Variants in IPCEF1 observed in about 807,000 individuals in gnomAD.
The protein encoded by IPCEF1 is interaction protein for cytohesin exchange factors 1.
A neutral mutation model predicts 50.9 loss-of-function variants in IPCEF1; 31 were observed. That is an observed-to-expected ratio of 0.61 (90% CI 0.46 to 0.82). The LOEUF is 0.82. Among genes scored for constraint, IPCEF1 ranks in the 40% least tolerant of loss-of-function variants. The probability of loss-of-function intolerance (pLI) is 0.00; values close to 1 mark genes in which losing one functional copy is unlikely to be tolerated. For synonymous variants in IPCEF1, 181 were observed against 192.0 expected, an observed-to-expected ratio of 0.94 and a Z score of 0.47; for missense variants, 458 against 514.0, an observed-to-expected ratio of 0.89 and a Z score of 1.05.
At chr6:154,230,990 C>G (rs1779669627) in intron 5 of IPCEF1, among the ~76,000 whole-genome samples, 1 of 152,162 alleles carries the variant, frequency 6.6e-6, no homozygotes, top group Admixed American at 6.5e-5. Context: ...CAATGACTAT[C>G]TGAATCAGCC....
rs147683394 is a variant in IPCEF1 at position 154,196,254 on chromosome 6, T to C, written c.910+3414A>G. 4.3e-3 allele frequency among the ~76,000 whole-genome samples: 655 copies of C among 152,310 alleles called. 1 individual carries two copies. The highest frequency in any genetic ancestry group is 0.013 in the African/African-American group (547 of 41,562). On this transcript the variant is annotated intron_variant, in intron 10 of 11. Coordinates refer to ENST00000367220, the MANE Select transcript of IPCEF1 (RefSeq NM_001130700.2). ...CTTCCTGAGGAGGCATACTGCATGA[T>C]TCCAACAGCAACTCTCAAAGTAGCT...
chr6:154,341,226 A>G (rs557183614), intron 1 of IPCEF1, among the ~76,000 whole-genome samples: 21 of 152,298 alleles, frequency 1.4e-4, no homozygotes, highest in African/African-American at 5.1e-4. Flanking sequence ...TTCCAGCTTG[A>G]GTTTTCCTCT....
chr6:154,349,141 G>T (rs1784081310), intron 1 of IPCEF1, among the ~76,000 whole-genome samples: 1 of 151,276 alleles, frequency 6.6e-6, no homozygotes, highest in African/African-American at 2.4e-5. Flanking sequence ...TTTTGAGTTG[G>T]TTTCATCTTT....
rs563860667 is a variant in IPCEF1, at chr6:154,234,311, G to A, written c.247-11068C>T. Among the ~76,000 whole-genome samples the A allele has an allele frequency of 1.5e-4, 23 of 152,290 alleles. 3 individuals are homozygous for A. Among genetic ancestry groups the A allele is most frequent in the South Asian group, 6.2e-4 (3 of 4,824 alleles). Reference sequence around the variant, plus strand: ...TCCCAGGGTTCCCCAGAAGGATGAAGCTTTGGTTACCCACAGTCACACCCT... The same window carrying A: ...TCCCAGGGTTCCCCAGAAGGATGAAACTTTGGTTACCCACAGTCACACCCT... On this transcript the variant is annotated intron_variant, in intron 5 of 11. Transcript: ENST00000367220.
intron 1 of IPCEF1, among the ~76,000 whole-genome samples, chr6:154,300,543 GT>G (rs769050890): frequency 7.9e-5 from 12 of 152,180 alleles, no homozygotes; most frequent in Non-Finnish European, 1.6e-4. Context: ...GAGTTTGGGA[GT>G]TTAAGGATAC....
intron 10 of IPCEF1, among the ~76,000 whole-genome samples, chr6:154,189,379 G>C (rs916945763): frequency 3.9e-5 from 6 of 152,100 alleles, no homozygotes; most frequent in African/African-American, 1.4e-4. Context: ...CCATTTCCAG[G>C]TGTATACCCG....
chr6:154,317,548 C>CAAAAAAAAA (rs71021041), intron 1 of IPCEF1, among the ~76,000 whole-genome samples: 1 of 16,314 alleles, frequency 6.1e-5, no homozygotes, highest in African/African-American at 3.0e-4. Context: ...GACTCCATCT[C>CAAAAAAAAA]AAAAAAAAAA....
intron 1 of IPCEF1, among the ~76,000 whole-genome samples, chr6:154,323,807 G>A (rs1224134289): frequency 6.6e-6 from 1 of 152,174 alleles, no homozygotes; most frequent in Non-Finnish European, 1.5e-5. Context: ...ACAAAAATTA[G>A]CAGGGCATGG....
intron 10 of IPCEF1, among the ~76,000 whole-genome samples, chr6:154,180,414 A>ATTTTT (rs761333730): frequency 1.2e-3 from 76 of 65,248 alleles, no homozygotes; most frequent in African/African-American, 3.3e-3. Context: ...ATATATATAT[A>ATTTTT]TTTTTTTTTT....
At chr6:154,313,903 C>G (rs1783148446) in intron 1 of IPCEF1, among the ~76,000 whole-genome samples, 1 of 151,994 alleles carries the variant, frequency 6.6e-6, no homozygotes, top group Admixed American at 6.6e-5. Flanking sequence ...GCCACCACAC[C>G]TGGCTAATTT....
intron 1 of IPCEF1, among the ~76,000 whole-genome samples, chr6:154,333,755 ATATATGTGTATATATGTATGTGTG>A (rs1388536089): frequency 1.3e-5 from 2 of 151,272 alleles, no homozygotes; most frequent in African/African-American, 4.9e-5. Flanking sequence ...ATGTGTATGT[ATATATGTGTATATATGTATGTGTG>A]TATATGTGTA....
At chr6:154,234,292 G>T (rs1779944335) in intron 5 of IPCEF1, among the ~76,000 whole-genome samples, 1 of 152,016 alleles carries the variant, frequency 6.6e-6, no homozygotes, top group African/African-American at 2.4e-5. Context: ...AGGCTCCCAG[G>T]GTTCCCCAGA....
intron 2 of IPCEF1, among the ~76,000 whole-genome samples, chr6:154,273,830 T>A (rs1426263997): frequency 7.2e-6 from 1 of 139,112 alleles, no homozygotes; most frequent in Non-Finnish European, 1.5e-5. Flanking sequence ...CTCGGCTCGC[T>A]GCAAGCTCCG....
At position 154,180,386 on chromosome 6, in the gene IPCEF1, C is replaced by CTATATATATATATA. The variant is rs58975780; in HGVS notation, c.911-12287_911-12274dup. Among the ~76,000 whole-genome samples the CTATATATATATATA allele has an allele frequency of 1.3e-3, 112 of 88,254 alleles. 1 individual carries two copies. The highest frequency in any genetic ancestry group is 5.4e-3 in the South Asian group (14 of 2,580). 57.9% of individuals were successfully genotyped at this position (88,254 alleles called of 152,430 possible). On this transcript the variant is annotated intron_variant, in intron 10 of 11. Transcript: ENST00000367220. ...TACTGAGCTAGTTTAACAACAACAACTATATATATATATATATATATATAT... is the reference window on the plus strand; with the variant it reads ...TACTGAGCTAGTTTAACAACAACAACTATATATATATATATATATATATATATATATATATATAT...
In IPCEF1 at chr6:154,199,715, T is replaced by C. The variant is rs747264717; in HGVS notation, c.863A>G (p.His288Arg). 5.0e-6 allele frequency: 8 copies of C among 1,614,002 alleles called. No individual in the cohort carries two copies. The highest frequency in any genetic ancestry group is 6.8e-6 in the Non-Finnish European group (8 of 1,179,854). Reference sequence around the variant, plus strand: ...AGCAGGCTTATCTGGGACAGTAAGATGGTCATGATTGCTACTCAATGAAGA... The same window carrying C: ...AGCAGGCTTATCTGGGACAGTAAGACGGTCATGATTGCTACTCAATGAAGA... ...DTSSLSSNHD[H>R]LTVPDKPAGS... The change falls in exon 10 of 12, where the codon CAT (histidine) becomes CGT (arginine). Residue 288 changes from histidine to arginine, a missense_variant. Transcript: ENST00000367220.
chr6:154,218,520 C>T (rs1778597336), intron 7 of IPCEF1, among the ~76,000 whole-genome samples: 1 of 152,146 alleles, frequency 6.6e-6, no homozygotes, highest in Non-Finnish European at 1.5e-5. Flanking sequence ...ACGCTACCCA[C>T]TCCCTCCCCC....
intron 10 of IPCEF1, among the ~76,000 whole-genome samples, chr6:154,189,133 A>C (rs1227159532): frequency 3.3e-5 from 5 of 152,184 alleles, no homozygotes; most frequent in Non-Finnish European, 5.9e-5. Context: ...AAAACAAAAA[A>C]ACACCTATAA....
chr6:154,279,282 TA>T (rs35865399), intron 2 of IPCEF1, among the ~76,000 whole-genome samples: 12,928 of 152,076 alleles, frequency 0.085, 997 homozygotes, highest in African/African-American at 0.21. Flanking sequence ...ATGAATCTAA[TA>T]AAAATGTATA....
chr6:154,305,493 A>T (rs1489103305), intron 1 of IPCEF1, among the ~76,000 whole-genome samples: 1 of 152,166 alleles, frequency 6.6e-6, no homozygotes, highest in Non-Finnish European at 1.5e-5. Flanking sequence ...CTTTCACAAA[A>T]ATCACATCTC....
Sources: gnomAD v4.1 joint callset for allele counts (sites outside exome capture counted in the v4.1 genomes callset) on GRCh38, gnomAD v4.1.1 for gene constraint, MANE v1.5 for transcripts, NCBI Gene and HGNC (gene_info 2026-07-23, HGNC 2026-07-21) for gene names.